Variants in CCDC73 observed in about 807,000 individuals in gnomAD.
The protein encoded by CCDC73 is coiled-coil domain containing 73.
A neutral mutation model predicts 116.5 loss-of-function variants in CCDC73; 95 were observed. The observed-to-expected ratio is 0.82, with a 90% CI of 0.69 to 0.97. The LOEUF (loss-of-function observed/expected upper bound fraction) is 0.97. CCDC73 is among the 50% of genes least tolerant of loss of function. The pLI, the probability that CCDC73 is intolerant of heterozygous loss-of-function variation, is 0.00. For synonymous variants in CCDC73, 398 were observed against 401.3 expected, an observed-to-expected ratio of 0.99 and a Z score of 0.10; for missense variants, 1,066 against 1,206.8, an observed-to-expected ratio of 0.88 and a Z score of 1.73.
At chr11:32,761,183 A>G (rs1850388673) in intron 1 of CCDC73, among the ~76,000 whole-genome samples, 1 of 152,154 alleles carries the variant, frequency 6.6e-6, no homozygotes, top group Non-Finnish European at 1.5e-5. Flanking sequence ...TTGTTGTTTC[A>G]AGAGTGCTCA....
intron 2 of CCDC73, among the ~76,000 whole-genome samples, chr11:32,751,110 G>A (rs889944553): frequency 1.3e-5 from 2 of 152,146 alleles, no homozygotes; most frequent in Non-Finnish European, 2.9e-5. Flanking sequence ...AATGTTGTCT[G>A]GGAGTTAGGG....
At chr11:32,625,054 G>T (rs896145633) in intron 14 of CCDC73, among the ~76,000 whole-genome samples, 4 of 152,286 alleles carry the variant, frequency 2.6e-5, no homozygotes, top group Non-Finnish European at 5.9e-5. Flanking sequence ...TGTCTGTTTT[G>T]ATCTTTGTTG....
At chr11:32,763,928 G>A (rs1052810285) in intron 1 of CCDC73, among the ~76,000 whole-genome samples, 1 of 152,138 alleles carries the variant, frequency 6.6e-6, no homozygotes, top group Non-Finnish European at 1.5e-5. Context: ...ATGACCTGAT[G>A]GAGCTGAAAA....
intron 1 of CCDC73, among the ~76,000 whole-genome samples, chr11:32,779,263 C>CA (rs34184527): frequency 0.18 from 20,124 of 109,952 alleles, 1,647 homozygotes; most frequent in Middle Eastern, 0.21. Context: ...TCATGTGGGG[C>CA]AAAAAAAAAA....
chr11:32,752,766 A>AT (rs1202524058), intron 2 of CCDC73, among the ~76,000 whole-genome samples: 6 of 151,918 alleles, frequency 3.9e-5, no homozygotes, highest in Non-Finnish European at 7.4e-5. Flanking sequence ...TAAGATATTG[A>AT]TTTTTTTATT....
the CCDC73 span, among the ~76,000 whole-genome samples, chr11:32,805,093 C>T: frequency 1.3e-5 from 2 of 152,136 alleles, no homozygotes; most frequent in South Asian, 2.1e-4. Context: ...ACATACAGAA[C>T]CTTGTATCTC....
rs748808718 is a variant in CCDC73, at chr11:32,654,071, T to C, written c.775-34A>G. 18 of 1,551,084 alleles carry C rather than the reference T, an allele frequency of 1.2e-5. No individual in the cohort carries two copies. In the Admixed American group the frequency reaches 2.4e-4, roughly 21 times the overall value. ...TTTGAATAGTTTTAAAGTTATGATATAAAATTCAGCAAATTCTACATTCAA... is the reference window on the plus strand; with the variant it reads ...TTTGAATAGTTTTAAAGTTATGATACAAAATTCAGCAAATTCTACATTCAA... On this transcript the variant is annotated intron_variant, in intron 10 of 17. Transcript: ENST00000335185.
intron 1 of CCDC73, among the ~76,000 whole-genome samples, chr11:32,762,519 T>A (rs903647993): frequency 2.6e-5 from 4 of 152,076 alleles, no homozygotes; most frequent in African/African-American, 9.7e-5. Flanking sequence ...AGAGTTAAAC[T>A]CTCAGGTAAG....
At chr11:32,817,306 G>A in the CCDC73 span, among the ~76,000 whole-genome samples, 2 of 152,212 alleles carry the variant, frequency 1.3e-5, no homozygotes, top group Non-Finnish European at 2.9e-5. Flanking sequence ...GCTTACTTCT[G>A]TGGCATAAGT....
intron 17 of CCDC73, chr11:32,605,403 C>T (rs1855336340): frequency 6.6e-6 from 1 of 152,086 alleles, no homozygotes; most frequent in Non-Finnish European, 1.5e-5. Context: ...CTAGGCAAGT[C>T]ATTTAATTTT....
chr11:32,633,449 G>A, intron 14 of CCDC73, among the ~76,000 whole-genome samples: 1 of 151,998 alleles, frequency 6.6e-6, no homozygotes, highest in East Asian at 1.9e-4. Context: ...GCTCTTTTGG[G>A]GTCCCACAAC....
At chr11:32,799,311 C>G (rs1353207209), upstream of CCDC73, among the ~76,000 whole-genome samples, 4 of 151,964 alleles carry the variant, frequency 2.6e-5, no homozygotes, top group South Asian at 4.2e-4. Flanking sequence ...AGGCTAGTCT[C>G]GAACTCCCGA....
At chr11:32,667,095 G>A (rs1855991435) in intron 9 of CCDC73, among the ~76,000 whole-genome samples, 1 of 152,238 alleles carries the variant, frequency 6.6e-6, no homozygotes, top group African/African-American at 2.4e-5. Flanking sequence ...CCCCCAGTTA[G>A]GCTACTCGGA....
intron 3 of CCDC73, among the ~76,000 whole-genome samples, chr11:32,713,539 C>T (rs1284137136): frequency 6.6e-6 from 1 of 151,934 alleles, no homozygotes; most frequent in Non-Finnish European, 1.5e-5. Flanking sequence ...CATACAGTCC[C>T]GGCCCCCATG....
At chr11:32,823,364 C>T in the CCDC73 span, among the ~76,000 whole-genome samples, 4 of 152,192 alleles carry the variant, frequency 2.6e-5, no homozygotes, top group East Asian at 5.8e-4. Flanking sequence ...ATCCCAGCAA[C>T]GCAGGGGGCT....
intron 7 of CCDC73, chr11:32,679,854 AAGG>A (rs770934256): frequency 2.6e-5 from 4 of 152,216 alleles, no homozygotes; most frequent in Non-Finnish European, 5.9e-5. Context: ...GCAAAGATCA[AAGG>A]AGATTTCATG....
the CCDC73 span, among the ~76,000 whole-genome samples, chr11:32,823,108 A>C: frequency 6.6e-6 from 1 of 152,136 alleles, no homozygotes; most frequent in Admixed American, 6.5e-5. Flanking sequence ...TCTCTAAAAA[A>C]AGAAAAAGGA....
intron 1 of CCDC73, among the ~76,000 whole-genome samples, chr11:32,776,936 A>AAATATAT (rs1341535562): frequency 5.5e-5 from 2 of 36,464 alleles, no homozygotes; most frequent in African/African-American, 1.7e-4. Context: ...AAAAAAAAAA[A>AAATATAT]ATATATATAT....
chr11:32,735,146 C>CTCCTATTCCAACTCCT (rs1850117207), intron 2 of CCDC73, among the ~76,000 whole-genome samples: 1 of 152,218 alleles, frequency 6.6e-6, no homozygotes, highest in Admixed American at 6.5e-5. Context: ...TCCTATTCAA[C>CTCCTATTCCAACTCCT]ATAGTGTTGG....
Sources: allele counts gnomAD v4.1 joint callset (sites outside exome capture counted in the v4.1 genomes callset), GRCh38; gene constraint gnomAD v4.1.1; transcripts MANE v1.5; gene names NCBI Gene and HGNC (gene_info 2026-07-23, HGNC 2026-07-21).